The following SYTL4 variants were observed in gnomAD, a reference collection of about 807,000 sequenced individuals.
SYTL4 encodes the protein synaptotagmin like 4, also known as synaptotagmin-like protein 4.
A neutral mutation model predicts 52.7 loss-of-function variants in SYTL4; 16 were observed. The ratio of observed to expected loss-of-function variants is 0.30; its 90% CI spans 0.21 to 0.46. SYTL4 has a LOEUF of 0.46. SYTL4 is among the 20% of genes least tolerant of loss of function. The pLI is 1.00. For missense variants in SYTL4, 423 were observed against 519.9 expected (o/e 0.81, Z 1.81); for synonymous variants, 160 against 186.6 (o/e 0.86, Z 1.16).
chrX:100,722,623 C>A (rs147619893), intron 2 of SYTL4, among the ~76,000 whole-genome samples: 1,231 of 110,443 alleles, frequency 0.011, 19 homozygotes, highest in African/African-American at 0.037. Context: ...TTAATTAGTC[C>A]CTCCTTCCCA....
intron 19 of SYTL4, among the ~76,000 whole-genome samples, chrX:100,676,480 T>G: frequency 9.0e-6 from 1 of 111,310 alleles, no homozygotes; most frequent in East Asian, 2.8e-4. Context: ...TTAAACATTT[T>G]TCTTTTATTA....
chrX:100,700,168 AAT>A (rs2083817823), intron 8 of SYTL4, among the ~76,000 whole-genome samples: 1 of 111,570 alleles, frequency 9.0e-6, no homozygotes, highest in African/African-American at 3.3e-5. Flanking sequence ...AAACTCAGTG[AAT>A]ATACTAAAAA....
intron 2 of SYTL4, among the ~76,000 whole-genome samples, chrX:100,714,262 GAT>G (rs2084143042): frequency 1.1e-5 from 1 of 88,935 alleles, no homozygotes; most frequent in Non-Finnish European, 2.4e-5. Context: ...TTTATGTCAA[GAT>G]TTTTTTTTTT....
intron 2 of SYTL4, among the ~76,000 whole-genome samples, chrX:100,726,097 C>T (rs748853779): frequency 1.9e-4 from 21 of 108,629 alleles, no homozygotes; most frequent in Admixed American, 5.1e-4. Flanking sequence ...ATTTCTGTCA[C>T]GGCCACCCGG....
intron 8 of SYTL4, among the ~76,000 whole-genome samples, chrX:100,698,121 G>T (rs1195422775): frequency 3.6e-5 from 4 of 110,303 alleles, no homozygotes; most frequent in Non-Finnish European, 5.7e-5. Flanking sequence ...TTTATTTTTT[G>T]AGATGGAGTC....
At position 100,689,940 on chromosome X, in the gene SYTL4, T is replaced by C; in HGVS notation, c.828A>G (p.Ile276Met). Residue 276 changes from isoleucine (I) to methionine (M), a missense_variant, in exon 12 of 20, where the codon ATA (isoleucine) becomes ATG (methionine). Ile to Met is a conservative substitution (Grantham distance 10). Transcript: ENST00000372989. ...GTACCACATCTTCTGGGCGAAGATC[T>C]ATCACAGATTTAGTGTACTCTGAGG... The part of the protein sequence containing the change: ...LRPSEYTKSV[I>M]DLRPEDVVHE... 8.3e-7 allele frequency: 1 copy of C among 1,207,292 alleles called. No individual in the cohort carries two copies. The highest frequency in any genetic ancestry group is 1.1e-6 in the Non-Finnish European group (1 of 892,089).
In SYTL4 at chrX:100,690,088, G is replaced by T; in HGVS notation, c.795C>A (p.Ile265=). ...EMIFKKNTRK[I]LRPSEYTKSV... ...GAAACCAGTTACCTGAAGGCCTGAG[G>T]ATTTTTCTGGTGTTCTTCTTAAATA... is the stretch of plus-strand genomic sequence containing the variant. The change falls in exon 11 of 20, where the codon ATC becomes ATA. Residue 265 remains isoleucine, a synonymous_variant. Transcript: ENST00000372989. 2.5e-6 allele frequency: 3 copies of T among 1,209,797 alleles called. No homozygotes were observed. Among genetic ancestry groups the T allele is most frequent in the East Asian group, 3.0e-5 (1 of 33,823 alleles).
intron 16 of SYTL4, among the ~76,000 whole-genome samples, chrX:100,683,095 A>G (rs1458909533): frequency 9.7e-6 from 1 of 103,441 alleles, no homozygotes; most frequent in African/African-American, 3.6e-5. Context: ...CCAGAGCATG[A>G]GCTGGTGCAG....
intron 8 of SYTL4, among the ~76,000 whole-genome samples, chrX:100,694,082 G>A (rs2083655417): frequency 8.9e-6 from 1 of 112,048 alleles, no homozygotes; most frequent in African/African-American, 3.2e-5. Flanking sequence ...AAAATGTTCT[G>A]AAATTAGATA....
chrX:100,687,484 A>C, intron 13 of SYTL4: 2 of 361,224 alleles, frequency 5.5e-6, no homozygotes, highest in Non-Finnish European at 9.6e-6. Context: ...CTCTTCCTCA[A>C]CTCTTTTTAC....
At chrX:100,683,147 T>A (rs1318659442) in intron 16 of SYTL4, among the ~76,000 whole-genome samples, 1 of 99,641 alleles carries the variant, frequency 1.0e-5, no homozygotes, top group Non-Finnish European at 2.0e-5. Flanking sequence ...TTTTTTTTTT[T>A]TTTTTTTTTT....
At chrX:100,728,945 G>A (rs1223298128) in intron 2 of SYTL4, among the ~76,000 whole-genome samples, 4 of 109,760 alleles carry the variant, frequency 3.6e-5, no homozygotes, top group African/African-American at 1.3e-4. Context: ...GCTGAGGCAG[G>A]AGAATGGCAT....
At chrX:100,725,757 C>T (rs1490480435) in intron 2 of SYTL4, among the ~76,000 whole-genome samples, 1 of 111,676 alleles carries the variant, frequency 9.0e-6, no homozygotes, top group Non-Finnish European at 1.9e-5. Flanking sequence ...GATAAATCTA[C>T]ATTGTAGGAT....
intron 2 of SYTL4, among the ~76,000 whole-genome samples, chrX:100,714,409 G>A (rs1026079382): frequency 3.6e-5 from 4 of 109,711 alleles, no homozygotes; most frequent in East Asian, 2.9e-4. Flanking sequence ...ACAGGCACCC[G>A]CCACCACACC....
intron 12 of SYTL4, 67 bp downstream of exon 12, chrX:100,689,789 G>C: frequency 1.5e-6 from 1 of 684,393 alleles, no homozygotes; most frequent in Non-Finnish European, 2.3e-6. Flanking sequence ...AGAATATCAG[G>C]TACTAAAGCC....
At chrX:100,700,601 C>G (rs1234969483) in intron 8 of SYTL4, among the ~76,000 whole-genome samples, 1 of 111,847 alleles carries the variant, frequency 8.9e-6, no homozygotes, top group African/African-American at 3.2e-5. Context: ...TAATAATGAG[C>G]ATGTGTTATT....
chrX:100,698,174 C>T (rs931258668), intron 8 of SYTL4, among the ~76,000 whole-genome samples: 6 of 110,721 alleles, frequency 5.4e-5, no homozygotes, highest in African/African-American at 1.3e-4. Flanking sequence ...GCAATCTTGG[C>T]TCAGTGCAAG....
chrX:100,694,598 C>T (rs1263273227), intron 8 of SYTL4, among the ~76,000 whole-genome samples: 1 of 111,638 alleles, frequency 9.0e-6, no homozygotes, highest in Non-Finnish European at 1.9e-5. Flanking sequence ...TTCTCCACAG[C>T]ACCTGTCAAC....
chrX:100,725,216 C>A (rs919925376), intron 2 of SYTL4, among the ~76,000 whole-genome samples: 4 of 111,348 alleles, frequency 3.6e-5, no homozygotes, highest in African/African-American at 1.3e-4. Context: ...GCCGTAGAGA[C>A]TAGGGGAAAA....
Sources: gnomAD v4.1 joint callset for allele counts (sites outside exome capture counted in the v4.1 genomes callset) on GRCh38, gnomAD v4.1.1 for gene constraint, MANE v1.5 for transcripts, NCBI Gene and HGNC (gene_info 2026-07-23, HGNC 2026-07-21) for gene names.